Variants in ATP6V1H observed in about 807,000 individuals in gnomAD.
ATP6V1H encodes V-type proton ATPase subunit H.
Under a neutral mutation model 71.7 loss-of-function variants are expected in ATP6V1H, and 39 were observed. The ratio of observed to expected loss-of-function variants is 0.54; its 90% confidence interval spans 0.42 to 0.71. The LOEUF (loss-of-function observed/expected upper bound fraction) is 0.71, where lower values mean the gene tolerates loss of function less well. Among genes scored for constraint, ATP6V1H ranks in the 30% least tolerant of loss-of-function variants. The pLI is 0.00. For synonymous variants in ATP6V1H, 192 were observed against 199.3 expected (o/e 0.96, Z 0.31); for missense variants, 509 against 594.9 (o/e 0.86, Z 1.50).
intron 12 of ATP6V1H, among the ~76,000 whole-genome samples, chr8:53,753,053 A>C (rs1208776456): frequency 4.6e-5 from 7 of 151,440 alleles, no homozygotes; most frequent in Admixed American, 6.6e-5. Context: ...AAAAAACAAC[A>C]ACCCTATAAC....
intron 12 of ATP6V1H, among the ~76,000 whole-genome samples, chr8:53,744,482 C>G (rs1807529924): frequency 6.6e-6 from 1 of 152,146 alleles, no homozygotes; most frequent in Non-Finnish European, 1.5e-5. Context: ...TGTGGACTGC[C>G]CTGTCCATTC....
chr8:53,829,987 T>C (rs940664839), intron 3 of ATP6V1H, among the ~76,000 whole-genome samples: 1 of 152,144 alleles, frequency 6.6e-6, no homozygotes, highest in Non-Finnish European at 1.5e-5. Flanking sequence ...CTCTCCATAA[T>C]TCAATAAAAA....
chr8:53,789,777 A>G (rs1809511362), intron 9 of ATP6V1H, among the ~76,000 whole-genome samples: 1 of 152,204 alleles, frequency 6.6e-6, no homozygotes, highest in African/African-American at 2.4e-5. Flanking sequence ...TGAAAAATAG[A>G]TATTTTCATT....
chr8:53,749,261 A>G (rs142214042), intron 12 of ATP6V1H, among the ~76,000 whole-genome samples: 200 of 152,372 alleles, frequency 1.3e-3, no homozygotes, highest in African/African-American at 4.3e-3. Flanking sequence ...AGAATCTCTT[A>G]TATCAGTGAA....
intron 13 of ATP6V1H, among the ~76,000 whole-genome samples, chr8:53,733,404 G>A (rs938324786): frequency 2.2e-4 from 33 of 152,288 alleles, no homozygotes; most frequent in East Asian, 1.9e-4. Flanking sequence ...AAAGTTTCCC[G>A]CCAGAGACCC....
At chr8:53,823,039 G>A (rs911972931) in intron 4 of ATP6V1H, among the ~76,000 whole-genome samples, 47 of 151,856 alleles carry the variant, frequency 3.1e-4, no homozygotes, top group African/African-American at 9.4e-4. Context: ...AGGGGGAGAC[G>A]TTTAACATAC....
chr8:53,822,860 T>C (rs1810704835), intron 4 of ATP6V1H, among the ~76,000 whole-genome samples: 1 of 152,150 alleles, frequency 6.6e-6, no homozygotes, highest in African/African-American at 2.4e-5. Context: ...TATTAAAGTA[T>C]AATTTAAGCC....
chr8:53,811,320 T>A (rs1810267540), intron 6 of ATP6V1H, 103 bp from the exon 7 acceptor site: 3 of 887,552 alleles, frequency 3.4e-6, no homozygotes, highest in Admixed American at 4.8e-5. Flanking sequence ...TAATTCTATG[T>A]AATAATTTTT....
chr8:53,747,907 T>C (rs549365959), intron 12 of ATP6V1H, among the ~76,000 whole-genome samples: 3 of 151,958 alleles, frequency 2.0e-5, no homozygotes, highest in African/African-American at 7.2e-5. Flanking sequence ...AGCTCACGCC[T>C]GTAATCCTAG....
At chr8:53,833,254 T>C in intron 2 of ATP6V1H, 168 bp from the exon 3 acceptor site, 1 of 566,844 alleles carries the variant, frequency 1.8e-6, no homozygotes, top group East Asian at 2.9e-5. Flanking sequence ...TCTCCACAAA[T>C]AAGACAGTGT....
intron 9 of ATP6V1H, among the ~76,000 whole-genome samples, chr8:53,787,019 CA>C (rs1432854544): frequency 1.3e-5 from 2 of 152,202 alleles, no homozygotes; most frequent in Non-Finnish European, 2.9e-5. Flanking sequence ...GTTCAATTTT[CA>C]TATTATAAAA....
rs547184298 is a variant in ATP6V1H, at chr8:53,833,960, T to A, written c.114-874A>T. The stretch of plus-strand genomic sequence containing the variant: ...TCTCTGGAGGTAGAAGAAACACAGC[T>A]CAACCTTCCCAACTTCTCCACTCCT... On this transcript the variant is annotated intron_variant, in intron 2 of 13. Transcript: ENST00000359530. 3.9e-5 allele frequency among the ~76,000 whole-genome samples: 6 copies of A among 152,274 alleles called. No individual in the cohort carries two copies. The East Asian group carries it at 9.7e-4, about 25-fold the overall frequency.
At chr8:53,806,401 C>T (rs565099175) in intron 7 of ATP6V1H, among the ~76,000 whole-genome samples, 1 of 151,806 alleles carries the variant, frequency 6.6e-6, no homozygotes, top group Non-Finnish European at 1.5e-5. Flanking sequence ...AAAAGAGATC[C>T]TCTAGTCAAC....
chr8:53,730,687 T>A (rs562207758), intron 13 of ATP6V1H, among the ~76,000 whole-genome samples: 1 of 152,164 alleles, frequency 6.6e-6, no homozygotes, highest in Non-Finnish European at 1.5e-5. Context: ...AGAGAACACA[T>A]ACAAATGCAG....
chr8:53,781,800 C>A (rs1212450570), intron 9 of ATP6V1H, among the ~76,000 whole-genome samples: 1 of 152,018 alleles, frequency 6.6e-6, no homozygotes, highest in East Asian at 1.9e-4. Flanking sequence ...AATAGGGAAT[C>A]CTTTCCCCAT....
chr8:53,734,885 A>G (rs980722480), intron 13 of ATP6V1H, among the ~76,000 whole-genome samples: 10 of 152,170 alleles, frequency 6.6e-5, no homozygotes, highest in African/African-American at 1.7e-4. Flanking sequence ...ATAATAGAAG[A>G]AGGATAGATC....
chr8:53,779,180 G>A (rs1265833125), intron 9 of ATP6V1H, among the ~76,000 whole-genome samples: 1 of 152,054 alleles, frequency 6.6e-6, no homozygotes, highest in African/African-American at 2.4e-5. Context: ...AAATAACACT[G>A]TCAACCACCC....
At chr8:53,786,999 T>G (rs1375769661) in intron 9 of ATP6V1H, among the ~76,000 whole-genome samples, 1 of 152,238 alleles carries the variant, frequency 6.6e-6, no homozygotes, top group Non-Finnish European at 1.5e-5. Context: ...TCAAGACATG[T>G]AAAATACAAG....
intron 5 of ATP6V1H, among the ~76,000 whole-genome samples, chr8:53,816,416 T>C (rs1237509206): frequency 1.3e-5 from 2 of 152,176 alleles, no homozygotes; most frequent in African/African-American, 2.4e-5. Context: ...AAGTCTTGTT[T>C]GTACAAAGGT....
Sources: allele counts gnomAD v4.1 joint callset (sites outside exome capture counted in the v4.1 genomes callset), GRCh38; gene constraint gnomAD v4.1.1; transcripts MANE v1.5; gene names NCBI Gene and HGNC (gene_info 2026-07-23, HGNC 2026-07-21).